ABCB11: variants seen among roughly 807,000 people sequenced by gnomAD.
The protein encoded by ABCB11 is ATP binding cassette subfamily B member 11.
ABCB11 carries 95 observed loss-of-function variants against 148.0 expected under a neutral mutation model. The observed-to-expected ratio is 0.64, with a 90% CI of 0.54 to 0.76. The LOEUF (loss-of-function observed/expected upper bound fraction) is 0.76, where lower values mean the gene tolerates loss of function less well. ABCB11 is among the 30% of genes least tolerant of loss of function. The pLI is 0.00. For synonymous variants in ABCB11, 591 were observed against 555.4 expected (o/e 1.06, Z -0.90); for missense variants, 1,523 against 1,617.8 (o/e 0.94, Z 1.01).
chr2:169,004,692 T>C (rs1694970493), intron 5 of ABCB11, among the ~76,000 whole-genome samples: 1 of 152,332 alleles, frequency 6.6e-6, no homozygotes, highest in Non-Finnish European at 1.5e-5. Context: ...TTCATCTTGG[T>C]TTAGATCCAT....
intron 19 of ABCB11, among the ~76,000 whole-genome samples, chr2:168,953,193 T>A (rs536356122): frequency 8.6e-5 from 13 of 151,820 alleles, no homozygotes; most frequent in Non-Finnish European, 3.0e-5. Flanking sequence ...AGTTGTTGGG[T>A]AGAATGTTCT....
At position 169,013,487 on chromosome 2, in the gene ABCB11, G is replaced by A. The variant is rs11568362; in HGVS notation, c.174C>T (p.Asp58=). 1.5e-4 allele frequency: 239 copies of A among 1,613,364 alleles called. No individual in the cohort carries two copies. The African/African-American group carries it at 2.5e-3, about 17-fold the overall frequency. The part of the protein sequence containing the change: ...FQLFRFSSST[D]IWLMFVGSLC... Reference sequence around the variant, plus strand: ...AACTTCCCACAAACATCAGCCAAATGTCAGTTGATGAAGAAAACCGAAACT... The same window carrying A: ...AACTTCCCACAAACATCAGCCAAATATCAGTTGATGAAGAAAACCGAAACT... The change falls in exon 5 of 28, where the codon GAC becomes GAT. Residue 58 remains aspartate, a synonymous_variant. Coordinates refer to ENST00000650372, the MANE Select transcript of ABCB11 (RefSeq NM_003742.4).
At chr2:168,987,932 T>C (rs940618858) in intron 9 of ABCB11, among the ~76,000 whole-genome samples, 5 of 152,156 alleles carry the variant, frequency 3.3e-5, no homozygotes, top group South Asian at 2.1e-4. Context: ...GAAGTATGTA[T>C]AAATTGTGGA....
chr2:168,990,721 C>A (rs944431446), intron 9 of ABCB11, 80 bp downstream of exon 9: 4 of 1,575,408 alleles, frequency 2.5e-6, no homozygotes, highest in Non-Finnish European at 2.6e-6. Flanking sequence ...GTGGGTCTGC[C>A]GCTTTGCACA....
At chr2:168,979,111 C>T (rs376151402) in intron 11 of ABCB11, among the ~76,000 whole-genome samples, 7 of 152,226 alleles carry the variant, frequency 4.6e-5, no homozygotes, top group African/African-American at 1.7e-4. Context: ...AGAAGATAAG[C>T]GAATTTTATG....
In ABCB11 at chr2:168,936,338, C is replaced by T. The variant is rs1163795741; in HGVS notation, c.2706G>A (p.Leu902=). The T allele has an allele frequency of 1.2e-6, 2 of 1,613,904 alleles. No individual in the cohort carries two copies. The highest frequency in any genetic ancestry group is 1.7e-5 in the Admixed American group (1 of 60,014). The part of the protein sequence containing the change: ...IAFSFSWKLS[L]VILCFFPFLA... ...AGAAGGGGAAGAAGCACAAGATGAC[C>T]AGGCTCAGCTTCCAGCTAAAGGAGA... Residue 902 remains leucine, a synonymous_variant, in exon 22 of 28, where the codon CTG becomes CTA. Transcript: ENST00000650372.
chr2:168,966,668 G>A (rs1574442790), intron 17 of ABCB11, among the ~76,000 whole-genome samples: 1 of 151,966 alleles, frequency 6.6e-6, no homozygotes, highest in Non-Finnish European at 1.5e-5. Flanking sequence ...AAAATATATT[G>A]CTGAAAAGGA....
chr2:169,017,128 A>AACATTTCTAAATTAGCTGAAGAAGATCTG lies in ABCB11; in HGVS notation c.77-330_77-329insCAGATCTTCTTCAGCTAATTTAGAAATGT, dbSNP rs4148774. 0.14 allele frequency among the ~76,000 whole-genome samples: 21,967 copies of AACATTTCTAAATTAGCTGAAGAAGATCTG among 151,922 alleles called. 2,598 individuals carry two copies. Among genetic ancestry groups the AACATTTCTAAATTAGCTGAAGAAGATCTG allele is most frequent in the East Asian group, 0.35 (1,825 of 5,162 alleles). ...ATCATCTGAATATCAAATGGACAGC[A>AACATTTCTAAATTAGCTGAAGAAGATCTG]ACTTTTTGAACTACAAAATAAAATT... is the stretch of plus-strand genomic sequence containing the variant. On this transcript the variant is annotated intron_variant, in intron 2 of 27. Coordinates refer to ENST00000650372, the MANE Select transcript of ABCB11 (RefSeq NM_003742.4).
intron 1 of ABCB11, among the ~76,000 whole-genome samples, chr2:169,027,801 G>A (rs1695744265): frequency 6.6e-6 from 1 of 152,132 alleles, no homozygotes; most frequent in Non-Finnish European, 1.5e-5. Flanking sequence ...CTGCTAGTGT[G>A]AACTGGTGGG....
intron 21 of ABCB11, among the ~76,000 whole-genome samples, chr2:168,939,119 T>G (rs1691959171): frequency 6.6e-6 from 1 of 152,034 alleles, no homozygotes; most frequent in African/African-American, 2.4e-5. Context: ...TCCAGGGAAT[T>G]TTATTAATTT....
At chr2:168,959,893 C>T (rs1692980977) in intron 18 of ABCB11, among the ~76,000 whole-genome samples, 1 of 129,630 alleles carries the variant, frequency 7.7e-6, no homozygotes, top group African/African-American at 3.0e-5. Context: ...TCCTTTGTCT[C>T]TGGTTCAGGG....
chr2:168,950,458 C>G (rs1692512680), intron 19 of ABCB11, among the ~76,000 whole-genome samples: 1 of 151,562 alleles, frequency 6.6e-6, no homozygotes, highest in African/African-American at 2.4e-5. Context: ...TGTTTTTATA[C>G]TTTTTAAAGA....
chr2:168,927,455 T>G, intron 25 of ABCB11, 93 bp from the exon 26 acceptor site: 1 of 1,076,638 alleles, frequency 9.3e-7, no homozygotes, highest in Non-Finnish European at 1.4e-6. Context: ...TGCAGGACAT[T>G]TGGTTTGCTT....
chr2:168,991,010 G>T (rs1164949804), intron 8 of ABCB11, 85 bp from the exon 9 acceptor site: 6 of 1,461,240 alleles, frequency 4.1e-6, no homozygotes, highest in Non-Finnish European at 3.7e-6. Context: ...TTAACATGTG[G>T]CATGGGTTTA....
At chr2:168,969,197 C>T (rs900623651) in intron 16 of ABCB11, among the ~76,000 whole-genome samples, 153 bp downstream of exon 16, 5 of 151,456 alleles carry the variant, frequency 3.3e-5, no homozygotes, top group African/African-American at 1.2e-4. Flanking sequence ...GATAGCTTAG[C>T]TTCCTGAGCT....
intron 19 of ABCB11, among the ~76,000 whole-genome samples, chr2:168,956,284 G>C (rs1692787455): frequency 6.6e-6 from 1 of 151,674 alleles, no homozygotes; most frequent in African/African-American, 2.4e-5. Flanking sequence ...CCTTCAACAT[G>C]TGGGGATTAC....
intron 12 of ABCB11, among the ~76,000 whole-genome samples, chr2:168,976,365 A>G (rs1045196779): frequency 6.6e-6 from 1 of 152,098 alleles, no homozygotes; most frequent in Non-Finnish European, 1.5e-5. Context: ...CTGTGTCCCA[A>G]CCAGGGGATT....
chr2:168,963,161 T>C (rs1163207791), intron 18 of ABCB11, among the ~76,000 whole-genome samples: 1 of 151,810 alleles, frequency 6.6e-6, no homozygotes, highest in Non-Finnish European at 1.5e-5. Flanking sequence ...AATTTAAAAA[T>C]TCTCTGACTT....
Position 169,013,476 on chromosome 2 carries a change from A to T in ABCB11, c.185T>A (p.Met62Lys). The T allele has an allele frequency of 6.2e-7, 1 of 1,613,682 alleles. No homozygotes were observed. Among genetic ancestry groups the T allele is most frequent in the Non-Finnish European group, 8.5e-7 (1 of 1,179,724 alleles). ...RFSSSTDIWL[M>K]FVGSLCAFLH... Reference sequence around the variant, plus strand: ...AAATGCACACAAACTTCCCACAAACATCAGCCAAATGTCAGTTGATGAAGA... The same window carrying T: ...AAATGCACACAAACTTCCCACAAACTTCAGCCAAATGTCAGTTGATGAAGA... The change falls in exon 5 of 28, where the codon ATG (methionine) becomes AAG (lysine). Residue 62 changes from methionine to lysine, a missense_variant. Coordinates refer to ENST00000650372, the MANE Select transcript of ABCB11 (RefSeq NM_003742.4).
Sources: allele counts gnomAD v4.1 joint callset (sites outside exome capture counted in the v4.1 genomes callset), GRCh38; gene constraint gnomAD v4.1.1; transcripts MANE v1.5; gene names NCBI Gene and HGNC (gene_info 2026-07-23, HGNC 2026-07-21).